The following C1orf159 variants were observed in gnomAD, a reference collection of about 807,000 sequenced individuals.
The protein encoded by C1orf159 is chromosome 1 open reading frame 159, also known as uncharacterized protein C1orf159.
A neutral mutation model predicts 25.6 loss-of-function variants in C1orf159; 19 were observed. The ratio of observed to expected loss-of-function variants is 0.74; its 90% CI spans 0.52 to 1.09. The LOEUF is 1.09. Ranked by LOEUF, C1orf159 falls within the 50% of genes least tolerant of loss-of-function variation. The probability of loss-of-function intolerance (pLI) is 0.00; values close to 1 mark genes in which losing one functional copy is unlikely to be tolerated. For missense variants in C1orf159, 274 were observed against 290.6 expected, an observed-to-expected ratio of 0.94 and a Z score of 0.42; for synonymous variants, 139 against 124.7, an observed-to-expected ratio of 1.12 and a Z score of -0.77.
chr1:1,091,128 T>C (rs533719176), intron 3 of C1orf159: 3 of 667,946 alleles, frequency 4.5e-6, no homozygotes, highest in Admixed American at 5.7e-5. Context: ...CCGCTCCGCC[T>C]GGGAGTCTGG....
intron 4 of C1orf159, among the ~76,000 whole-genome samples, chr1:1,090,086 C>T (rs1264397738): frequency 6.6e-6 from 1 of 152,212 alleles, no homozygotes; most frequent in African/African-American, 2.4e-5. Flanking sequence ...GACCCTTCTC[C>T]AGGCACCTTT....
chr1:1,086,030 T>C lies in C1orf159; in HGVS notation c.311-18A>G, dbSNP rs777124183. ...CGGAGCCCCTGCAAACAGACACCGC[T>C]GAGCAGACGGGCAGGACGGTGGCCC... On this transcript the variant is annotated intron_variant, in intron 6 of 9. Coordinates refer to ENST00000421241, the MANE Select transcript of C1orf159 (RefSeq NM_017891.5). The C allele has an allele frequency of 4.1e-5, 66 of 1,612,036 alleles. No individual in the cohort carries two copies. The highest frequency in any genetic ancestry group is 5.1e-5 in the Non-Finnish European group (60 of 1,179,584).
intron 7 of C1orf159, 95 bp downstream of exon 7, chr1:1,085,783 C>T: frequency 6.7e-7 from 1 of 1,483,178 alleles, no homozygotes; most frequent in Non-Finnish European, 9.1e-7. Context: ...CCAGCCTGCT[C>T]TGGCCTGGGA....
Position 1,110,129 on chromosome 1 carries a change from C to T in C1orf159, c.-136+5931G>A, listed in dbSNP as rs192770001. On this transcript the variant is annotated intron_variant, in intron 1 of 9. Transcript: ENST00000421241. This position sits in a 1 kb window ranked among gnomAD's most constrained non-coding sequence, Gnocchi z 4.8. ...GCCTTAGGTCCTGATTATAACTCGG[C>T]GTCTTATTGCCGCAGAGTCTGTCAG... is the stretch of plus-strand genomic sequence containing the variant. 2.6e-5 allele frequency among the ~76,000 whole-genome samples: 4 copies of T among 152,316 alleles called. No individual in the cohort carries two copies. The highest frequency in any genetic ancestry group is 3.9e-4 in the East Asian group (2 of 5,186).
Position 1,082,577 on chromosome 1 carries a change from C to G in C1orf159, c.*316G>C, listed in dbSNP as rs1216871081. ...GCACCTGCCCCATAGATCGTGCCAG[C>G]TTTGGCTGCAGGCGCTGGGGCCTCA... is the stretch of plus-strand genomic sequence containing the variant. On this transcript the variant is annotated 3_prime_UTR_variant, in exon 10 of 10. Transcript: ENST00000421241. 7.3e-6 allele frequency: 3 copies of G among 409,250 alleles called. No individual in the cohort carries two copies. Among genetic ancestry groups the G allele is most frequent in the South Asian group, 4.6e-5 (2 of 43,662 alleles). 25.4% of individuals were successfully genotyped at this position (409,250 alleles called of 1,614,324 possible).
chr1:1,092,791 G>A (rs989622996), intron 1 of C1orf159: 3 of 152,422 alleles, frequency 2.0e-5, no homozygotes, highest in African/African-American at 4.8e-5. Flanking sequence ...AGGCTGCCCA[G>A]GTGTGAGCCT....
rs562173108 is a variant in C1orf159, at chr1:1,087,783, C to T, written c.149-186G>A. ...GCATGGCGGGGCCGTGAGCACCCCA[C>T]GCTGAGTACTCCACACTGCGCACCC... is the stretch of plus-strand genomic sequence containing the variant. On this transcript the variant is annotated intron_variant, in intron 4 of 9. Coordinates refer to ENST00000421241, the MANE Select transcript of C1orf159 (RefSeq NM_017891.5). The surrounding 1 kb of genome is among the most constrained non-coding windows in gnomAD (Gnocchi z 8.3). The T allele has an allele frequency of 1.4e-4, 85 of 602,592 alleles. 1 individual carries two copies. In the East Asian group the frequency reaches 2.0e-3, roughly 15 times the overall value. 37.3% of individuals were successfully genotyped at this position (602,592 alleles called of 1,614,324 possible). A position where few individuals can be genotyped will look rare whatever the true frequency, so the allele number is the denominator to read the frequency against.
intron 1 of C1orf159, among the ~76,000 whole-genome samples, chr1:1,107,401 C>T (rs766033560): frequency 2.0e-5 from 3 of 152,156 alleles, no homozygotes; most frequent in Non-Finnish European, 4.4e-5. Flanking sequence ...TGTAAATACA[C>T]CAATCAGCAC....
chr1:1,086,009 G>A lies in C1orf159; in HGVS notation c.314C>T (p.Ala105Val), dbSNP rs373968655. ...SGTPGRPHPG[A>V]PRVAASLFLG... ...GAAGAGGGAGGCGGCCACGCGCGGA[G>A]CCCCTGCAAACAGACACCGCTGAGC... is the stretch of plus-strand genomic sequence containing the variant. The change falls in exon 7 of 10, where the codon GCT becomes GTT. Residue 105 changes from alanine (A) to valine (V), a missense_variant. Transcript: ENST00000421241. 6 of 1,612,646 alleles carry A rather than the reference G, an allele frequency of 3.7e-6. No individual in the cohort carries two copies. The African/African-American group carries it at 8.0e-5, about 22-fold the overall frequency.
Position 1,089,967 on chromosome 1 carries a change from A to AG in C1orf159, c.148+385dup, listed in dbSNP as rs909662165. On this transcript the variant is annotated intron_variant, in intron 4 of 9. Coordinates refer to ENST00000421241, the MANE Select transcript of C1orf159 (RefSeq NM_017891.5). The surrounding 1 kb of genome is among the most constrained non-coding windows in gnomAD (Gnocchi z 7.5). ...TCCACTCCACGCACCAGGGGCCAGC[A>AG]GCACCTCTGCCCGAGCACGGACAGG... Among the ~76,000 whole-genome samples, 27 of 152,334 alleles carry AG rather than the reference A, an allele frequency of 1.8e-4. 1 individual carries two copies. The highest frequency in any genetic ancestry group is 1.7e-3 in the Admixed American group (26 of 15,308).
chr1:1,083,218 A>G (rs77980035), intron 9 of C1orf159: 21,300 of 494,732 alleles, frequency 0.043, 562 homozygotes, highest in Non-Finnish European at 0.055. Context: ...TCTCATTTAC[A>G]CCCTGGGCCC....
At chr1:1,109,416 C>CT (rs1253868324) in intron 1 of C1orf159, among the ~76,000 whole-genome samples, 1 of 152,068 alleles carries the variant, frequency 6.6e-6, no homozygotes, top group Non-Finnish European at 1.5e-5. Flanking sequence ...GAACAGTTTC[C>CT]TTTCCTTTTT....
At chr1:1,108,303 G>A (rs879173101) in intron 1 of C1orf159, among the ~76,000 whole-genome samples, 15 of 109,188 alleles carry the variant, frequency 1.4e-4, no homozygotes, top group South Asian at 3.2e-4. Context: ...TCTCGGCACC[G>A]TTCACCACAG....
intron 4 of C1orf159, 62 bp downstream of exon 4, chr1:1,090,291 G>GGC: frequency 6.8e-7 from 1 of 1,474,054 alleles, no homozygotes; most frequent in Non-Finnish European, 9.3e-7. Context: ...GAGGGCCCTG[G>GGC]GCACACACAC....
chr1:1,098,762 C>T (rs1260291509), intron 1 of C1orf159, among the ~76,000 whole-genome samples: 2 of 152,146 alleles, frequency 1.3e-5, no homozygotes, highest in Non-Finnish European at 2.9e-5. Context: ...CAGCTGCCCG[C>T]CACCACGTCC....
At chr1:1,094,629 T>G (rs1294934570) in intron 1 of C1orf159, among the ~76,000 whole-genome samples, 1 of 152,234 alleles carries the variant, frequency 6.6e-6, no homozygotes, top group Non-Finnish European at 1.5e-5. Flanking sequence ...CTCGATCTCC[T>G]GACTTTGTGA....
At chr1:1,111,733 C>G (rs999271756) in intron 1 of C1orf159, among the ~76,000 whole-genome samples, 1 of 152,148 alleles carries the variant, frequency 6.6e-6, no homozygotes, top group South Asian at 2.1e-4. Flanking sequence ...GGTCCACTGG[C>G]GGGTTTCTCA....
chr1:1,114,344 A>G lies in C1orf159; in HGVS notation c.-136+1716T>C, dbSNP rs1208415665. 3.3e-5 allele frequency among the ~76,000 whole-genome samples: 5 copies of G among 152,240 alleles called. No homozygotes were observed. The East Asian group carries it at 9.6e-4, about 29-fold the overall frequency. On this transcript the variant is annotated intron_variant, in intron 1 of 9. Transcript: ENST00000421241. ...AGGTGCTTGCCCCCATGCCTGGATAATATTTTTTATTTTTTATAGAGACGA... is the reference window on the plus strand; with the variant it reads ...AGGTGCTTGCCCCCATGCCTGGATAGTATTTTTTATTTTTTATAGAGACGA...
At chr1:1,107,987 G>A (rs185452308) in intron 1 of C1orf159, among the ~76,000 whole-genome samples, 142 of 152,296 alleles carry the variant, frequency 9.3e-4, no homozygotes, top group African/African-American at 3.1e-3. Context: ...CTCACTGCGA[G>A]GGTCTGCGGC....
Sources: allele counts gnomAD v4.1 joint callset (sites outside exome capture counted in the v4.1 genomes callset), GRCh38; gene constraint gnomAD v4.1.1; non-coding constraint Gnocchi (gnomAD v3.1); transcripts MANE v1.5; gene names NCBI Gene and HGNC (gene_info 2026-07-23, HGNC 2026-07-21).